Variants in OSGIN1 observed in about 807,000 individuals in gnomAD.
OSGIN1 encodes oxidative stress induced growth inhibitor 1.
Under a neutral mutation model 20.1 loss-of-function variants are expected in OSGIN1, and 19 were observed. That is an observed-to-expected ratio of 0.95 (90% CI 0.66 to 1.39). OSGIN1 has a LOEUF of 1.39. Among genes scored for constraint, OSGIN1 ranks in the 40% most tolerant of loss-of-function variants. OSGIN1 has a pLI of 0.00. For missense variants in OSGIN1, 820 were observed against 653.0 expected (o/e 1.26, Z -2.79); for synonymous variants, 368 against 297.8 (o/e 1.24, Z -2.43).
At chr16:83,955,438 C>G (rs1052296652) in intron 1 of OSGIN1, among the ~76,000 whole-genome samples, 1 of 152,178 alleles carries the variant, frequency 6.6e-6, no homozygotes, top group East Asian at 1.9e-4. Flanking sequence ...GGACCTCTCA[C>G]AGCACTTGGG....
intron 5 of OSGIN1, 147 bp downstream of exon 5, chr16:83,961,219 A>T: frequency 1.5e-6 from 1 of 647,904 alleles, no homozygotes; most frequent in Non-Finnish European, 2.7e-6. Flanking sequence ...TCCTAATGAC[A>T]TGTGCCCAAG....
chr16:83,965,729 G>T lies in OSGIN1; in HGVS notation c.1156G>T (p.Val386Leu), dbSNP rs1255861594. Residue 386 changes from valine (V) to leucine (L), a missense_variant, in exon 6 of 6, where the codon GTG becomes TTG. By Grantham distance (32) the Val-to-Leu change is conservative. Transcript: ENST00000393306. ...CCAGGACCTCGAGGGTGTCGAGAAG[G>T]TGTTTGGGGTCTCCCTGGTGCTGGT... ...VFQDLEGVEK[V>L]FGVSLVLVLI... 6.2e-7 allele frequency: 1 copy of T among 1,613,654 alleles called. No individual in the cohort carries two copies. The highest frequency in any genetic ancestry group is 1.1e-5 in the South Asian group (1 of 91,084).
At position 83,956,185 on chromosome 16, in the gene OSGIN1, T is replaced by C. The variant is rs186561954; in HGVS notation, c.-32-1455T>C. Among the ~76,000 whole-genome samples, 37 of 152,334 alleles carry C rather than the reference T, an allele frequency of 2.4e-4. No homozygotes were observed. In the East Asian group the frequency reaches 6.2e-3, roughly 25 times the overall value. On this transcript the variant is annotated intron_variant, in intron 1 of 5. Transcript: ENST00000393306. ...GGGGGCGACACATAGGTCCTCTCAG[T>C]GGCCCATCTGTGTGGCAGTTTCTCA...
chr16:83,960,409 C>G (rs756591472), intron 3 of OSGIN1, among the ~76,000 whole-genome samples, 160 bp from the exon 4 acceptor site: 1 of 152,206 alleles, frequency 6.6e-6, no homozygotes, highest in African/African-American at 2.4e-5. Flanking sequence ...GACCTCAAAA[C>G]GAGAGCTTCA....
At chr16:83,962,845 G>T (rs1249391137) in intron 5 of OSGIN1, among the ~76,000 whole-genome samples, 1 of 152,214 alleles carries the variant, frequency 6.6e-6, no homozygotes, top group African/African-American at 2.4e-5. Context: ...TGGGCAGAGG[G>T]AAGACTTTGA....
At chr16:83,965,039 G>A (rs1238129296) in intron 5 of OSGIN1, 23 bp from the exon 6 acceptor site, 1 of 1,525,584 alleles carries the variant, frequency 6.6e-7, no homozygotes, top group Non-Finnish European at 8.9e-7. Context: ...TCTGACTCTG[G>A]CGTCCTGCAT....
chr16:83,959,516 T>A, intron 3 of OSGIN1, 120 bp downstream of exon 3: 1 of 1,007,296 alleles, frequency 9.9e-7, no homozygotes, highest in Non-Finnish European at 1.4e-6. Flanking sequence ...AACAAAGAAT[T>A]CGAGAGTCCA....
chr16:83,962,312 C>T (rs1423535975), intron 5 of OSGIN1, among the ~76,000 whole-genome samples: 1 of 152,238 alleles, frequency 6.6e-6, no homozygotes, highest in Non-Finnish European at 1.5e-5. Context: ...GATCTCAGCT[C>T]ACTGCAAGCT....
chr16:83,958,157 G>A (rs1909034294), intron 2 of OSGIN1, among the ~76,000 whole-genome samples: 1 of 152,234 alleles, frequency 6.6e-6, no homozygotes, highest in East Asian at 1.9e-4. Flanking sequence ...GATTATAGGT[G>A]TGAACCACCA....
intron 1 of OSGIN1, 31 bp downstream of exon 1, chr16:83,953,401 G>A (rs1597173437): frequency 7.0e-6 from 9 of 1,287,924 alleles, no homozygotes; most frequent in Non-Finnish European, 9.1e-6. Context: ...TCCGGGGCAG[G>A]GAATCAGGCA....
intron 1 of OSGIN1, among the ~76,000 whole-genome samples, chr16:83,955,281 A>C (rs2255437): frequency 6.6e-6 from 1 of 151,898 alleles, no homozygotes. Flanking sequence ...CAGCACCCAG[A>C]GTCAATGAGA....
chr16:83,953,634 T>C (rs1908793851), intron 1 of OSGIN1, among the ~76,000 whole-genome samples: 1 of 152,164 alleles, frequency 6.6e-6, no homozygotes. Context: ...AGTCCCAGCG[T>C]ACCCTGGGCC....
intron 2 of OSGIN1, among the ~76,000 whole-genome samples, chr16:83,957,951 A>C (rs1314893430): frequency 1.3e-5 from 2 of 152,116 alleles, no homozygotes; most frequent in Non-Finnish European, 2.9e-5. Context: ...ATCTTGGTTC[A>C]CTGCAACCTC....
intron 1 of OSGIN1, chr16:83,954,254 C>G (rs1486053793): frequency 6.6e-6 from 1 of 152,242 alleles, no homozygotes; most frequent in African/African-American, 2.4e-5. Context: ...CGCAGACATA[C>G]AGGTGTCCCA....
rs865807780 is a variant in OSGIN1 at position 83,965,981 on chromosome 16, A to G, written c.1408A>G (p.Arg470Gly). 1.9e-6 allele frequency: 3 copies of G among 1,594,864 alleles called. No individual in the cohort carries two copies. The highest frequency in any genetic ancestry group is 2.7e-5 in the African/African-American group (2 of 74,464). ...CTTGGCTGTGGCCAGCTCCCTGCTA[A>G]GGAAGGAGACCAGGAAGCCACCCTA... ...GALAVASSLL[R>G]KETRKPP The change falls in exon 6 of 6, where the codon AGG becomes GGG. Residue 470 changes from arginine to glycine, a missense_variant. Transcript: ENST00000393306.
In OSGIN1 at chr16:83,965,545, G is replaced by T; in HGVS notation, c.972G>T (p.Leu324=). 2 of 1,612,798 alleles carry T rather than the reference G, an allele frequency of 1.2e-6. No individual in the cohort carries two copies. The highest frequency in any genetic ancestry group is 1.1e-5 in the South Asian group (1 of 91,078). Residue 324 remains leucine, a synonymous_variant, in exon 6 of 6, where the codon CTG becomes CTT. Transcript: ENST00000393306. Reference sequence around the variant, plus strand: ...GCCGGGCCGTGGACGACCCTGGCCTGGTGTTCAACCAGCTGCCCAAGATGC... The same window carrying T: ...GCCGGGCCGTGGACGACCCTGGCCTTGTGTTCAACCAGCTGCCCAAGATGC... ...AFRRAVDDPG[L]VFNQLPKMLY...
At chr16:83,960,504 C>T (rs1457448181) in intron 3 of OSGIN1, 65 bp from the exon 4 acceptor site, 4 of 1,366,180 alleles carry the variant, frequency 2.9e-6, no homozygotes, top group Admixed American at 1.8e-5. Context: ...CCTGCCCAGC[C>T]TCAGGCTCTG....
chr16:83,955,828 C>T (rs1159827594), intron 1 of OSGIN1, among the ~76,000 whole-genome samples: 1 of 152,140 alleles, frequency 6.6e-6, no homozygotes, highest in Non-Finnish European at 1.5e-5. Flanking sequence ...CAGCGTGTCA[C>T]CTTCCTTCTC....
chr16:83,958,566 C>T (rs1909051909), intron 2 of OSGIN1, among the ~76,000 whole-genome samples: 1 of 152,196 alleles, frequency 6.6e-6, no homozygotes. Context: ...TCATATGGTT[C>T]TTCCTGGTAT....
Sources: allele counts gnomAD v4.1 joint callset (sites outside exome capture counted in the v4.1 genomes callset), GRCh38; gene constraint gnomAD v4.1.1; transcripts MANE v1.5; gene names NCBI Gene and HGNC (gene_info 2026-07-23, HGNC 2026-07-21).